CCDC30: variants seen among roughly 807,000 people sequenced by gnomAD.
CCDC30 encodes coiled-coil domain containing 30.
A neutral mutation model predicts 100.2 loss-of-function variants in CCDC30; 70 were observed. The ratio of observed to expected loss-of-function variants is 0.70; its 90% CI spans 0.58 to 0.85. The LOEUF is 0.85. Ranked by LOEUF, CCDC30 falls within the 40% of genes least tolerant of loss-of-function variation. The pLI is 0.00. For missense variants in CCDC30, 652 were observed against 771.2 expected (o/e 0.85, Z 1.83); for synonymous variants, 233 against 269.5 (o/e 0.86, Z 1.33).
intron 11 of CCDC30, among the ~76,000 whole-genome samples, chr1:42,611,295 G>T (rs1372518412): frequency 2.0e-5 from 3 of 152,164 alleles, no homozygotes; most frequent in Admixed American, 2.0e-4. Flanking sequence ...GAGAGGGAAG[G>T]AGAAGGGAAT....
At chr1:42,572,830 G>C (rs1645760105) in intron 7 of CCDC30, among the ~76,000 whole-genome samples, 1 of 152,106 alleles carries the variant, frequency 6.6e-6, no homozygotes, top group African/African-American at 2.4e-5. Context: ...TATTGGCCTG[G>C]CTGGCCTCGA....
intron 6 of CCDC30, among the ~76,000 whole-genome samples, chr1:42,503,838 C>T (rs746390656): frequency 6.6e-6 from 1 of 152,120 alleles, no homozygotes; most frequent in Non-Finnish European, 1.5e-5. Flanking sequence ...CTTATTCCCC[C>T]CTCAGGAGTG....
intron 6 of CCDC30, among the ~76,000 whole-genome samples, chr1:42,543,527 G>GC: frequency 6.6e-6 from 1 of 152,060 alleles, no homozygotes; most frequent in Non-Finnish European, 1.5e-5. Flanking sequence ...CACCATGTTG[G>GC]CCAGGCTGGT....
At chr1:42,606,742 G>A (rs572756019) in intron 10 of CCDC30, among the ~76,000 whole-genome samples, 1 of 152,238 alleles carries the variant, frequency 6.6e-6, no homozygotes, top group African/African-American at 2.4e-5. Flanking sequence ...CACTAGTGAC[G>A]TCGGAAATGC....
Position 42,542,536 on chromosome 1 carries a change from TTTC to T in CCDC30, c.457-23757_457-23755del, listed in dbSNP as rs1310074565. 2.6e-3 allele frequency among the ~76,000 whole-genome samples: 307 copies of T among 115,988 alleles called. 17 individuals carry two copies. Among genetic ancestry groups the T allele is most frequent in the African/African-American group, 9.3e-3 (290 of 31,112 alleles). 76.1% of individuals were successfully genotyped at this position (115,988 alleles called of 152,430 possible). On this transcript the variant is annotated intron_variant, in intron 6 of 16. Transcript: ENST00000668663. The stretch of plus-strand genomic sequence containing the variant: ...CACCACACCTGGCTAATTTTAAATT[TTTC>T]TTTTTTTTTTTTTTTTTTTTTTGAG...
At chr1:42,640,804 G>T (rs374195885) in intron 12 of CCDC30, among the ~76,000 whole-genome samples, 2 of 152,046 alleles carry the variant, frequency 1.3e-5, no homozygotes, top group East Asian at 3.9e-4. Flanking sequence ...TGAGGCAGGA[G>T]AATTGCTTGA....
rs1644267189 is a variant in CCDC30, at chr1:42,498,921, T to C, written c.456+5T>C. ...GGTGGTGAACAGAGAGAACAGGTAT[T>C]GTATTTTAAAGTTCTGTTCTTTCTG... On this transcript the variant is annotated splice_donor_5th_base_variant and intron_variant, in intron 6 of 16. Coordinates refer to ENST00000668663, the Ensembl canonical transcript of CCDC30. 6.5e-6 allele frequency: 8 copies of C among 1,227,308 alleles called. No homozygotes were observed. The highest frequency in any genetic ancestry group is 8.1e-6 in the Non-Finnish European group (8 of 981,902). 76.0% of individuals were successfully genotyped at this position (1,227,308 alleles called of 1,614,324 possible).
intron 6 of CCDC30, among the ~76,000 whole-genome samples, chr1:42,551,021 G>A (rs970217613): frequency 1.3e-5 from 2 of 152,074 alleles, no homozygotes; most frequent in African/African-American, 4.8e-5. Context: ...TGTGCACAAT[G>A]TGCTGGTTTG....
intron 9 of CCDC30, among the ~76,000 whole-genome samples, chr1:42,585,992 T>C (rs1646061320): frequency 6.6e-6 from 1 of 152,222 alleles, no homozygotes; most frequent in African/African-American, 2.4e-5. Context: ...ACATAAGACT[T>C]TGCAACTGCA....
At chr1:42,491,753 G>T in intron 4 of CCDC30, 1 of 276,308 alleles carries the variant, frequency 3.6e-6, no homozygotes, top group Non-Finnish European at 7.1e-6. Context: ...CTGTTGGCAA[G>T]AACAAGCACC....
At chr1:42,625,477 A>G (rs1431067607) in intron 11 of CCDC30, among the ~76,000 whole-genome samples, 1 of 149,774 alleles carries the variant, frequency 6.7e-6, no homozygotes, top group Non-Finnish European at 1.5e-5. Context: ...GTTTATTTGC[A>G]GGTTTTTTTT....
chr1:42,593,367 G>A lies in CCDC30; in HGVS notation c.1164+3884G>A, dbSNP rs563269294. 2.0e-5 allele frequency: 3 copies of A among 152,348 alleles called. No individual in the cohort carries two copies. The South Asian group carries it at 6.2e-4, about 32-fold the overall frequency. 9.4% of individuals were successfully genotyped at this position (152,348 alleles called of 1,614,324 possible). On this transcript the variant is annotated intron_variant, in intron 10 of 16. Coordinates refer to ENST00000668663, the Ensembl canonical transcript of CCDC30. ...AGATGGAAGAGATGCATAGGGCAAG[G>A]CATGTGGAAAGGGATGTGGAACTTC... is the stretch of plus-strand genomic sequence containing the variant.
chr1:42,566,312 A>G (rs1396472077), exon 7 of CCDC30: 2 of 1,613,338 alleles, frequency 1.2e-6, no homozygotes, highest in Admixed American at 1.7e-5. Context: ...TCATCTGGAG[A>G]AAAACTAAAA....
chr1:42,456,296 C>T, the CCDC30 span: 2 of 595,206 alleles, frequency 3.4e-6, no homozygotes, highest in African/African-American at 3.7e-5. Context: ...ATGGCCAGTT[C>T]TTCACCCAGG....
chr1:42,615,500 T>C (rs1461809274), intron 11 of CCDC30, among the ~76,000 whole-genome samples: 5 of 152,138 alleles, frequency 3.3e-5, no homozygotes, highest in Non-Finnish European at 7.4e-5. Context: ...GGTTTCACCA[T>C]GTTGGCTAGG....
At chr1:42,485,904 A>G (rs1044455034) in intron 3 of CCDC30, among the ~76,000 whole-genome samples, 18 of 152,198 alleles carry the variant, frequency 1.2e-4, no homozygotes, top group Admixed American at 9.8e-4. Flanking sequence ...ACCATTAGTT[A>G]TTAGGGAAGT....
chr1:42,646,204 A>C, exon 15 of CCDC30: 10 of 1,584,230 alleles, frequency 6.3e-6, no homozygotes, highest in Non-Finnish European at 8.6e-6. Flanking sequence ...TCCAACAAAG[A>C]AACAGAAAGA....
intron 11 of CCDC30, among the ~76,000 whole-genome samples, chr1:42,621,433 A>C (rs565254290): frequency 6.6e-6 from 1 of 151,802 alleles, no homozygotes; most frequent in African/African-American, 2.4e-5. Context: ...CTTCCACTTC[A>C]GCCTCCACAG....
intron 1 of CCDC30, among the ~76,000 whole-genome samples, chr1:42,472,568 T>C (rs1401889968): frequency 6.6e-6 from 1 of 152,132 alleles, no homozygotes; most frequent in Non-Finnish European, 1.5e-5. Flanking sequence ...AAGACTTCTT[T>C]GGACTTTAAA....
Sources: allele counts gnomAD v4.1 joint callset (sites outside exome capture counted in the v4.1 genomes callset), GRCh38; gene constraint gnomAD v4.1.1; transcripts MANE v1.5; gene names NCBI Gene and HGNC (gene_info 2026-07-23, HGNC 2026-07-21).